FLNC: variants seen among roughly 807,000 people sequenced by gnomAD.
The protein encoded by FLNC is filamin C, also known as filamin-C.
Under a neutral mutation model 254.3 loss-of-function variants are expected in FLNC, and 91 were observed. The ratio of observed to expected loss-of-function variants is 0.36; its 90% CI spans 0.30 to 0.43. The LOEUF (loss-of-function observed/expected upper bound fraction) is 0.43. FLNC is among the 20% of genes least tolerant of loss of function. FLNC has a pLI of 1.00. For synonymous variants in FLNC, 1,430 were observed against 1,577.2 expected, an observed-to-expected ratio of 0.91 and a Z score of 2.21; for missense variants, 2,853 against 3,802.6, an observed-to-expected ratio of 0.75 and a Z score of 6.57.
intron 4 of FLNC, 44 bp from the exon 5 acceptor site, chr7:128,837,593 G>A (rs1218642084): frequency 1.2e-6 from 2 of 1,613,722 alleles, no homozygotes. Context: ...CTGGGCACAT[G>A]TAGGCTCTCC....
chr7:128,856,946 G>C lies in FLNC; in HGVS notation c.7561+25G>C. ...GGTGAGTGCCTGGAGCTGGGGAACA[G>C]GGTGACTTCTGGGGGTGCTTGGCCA... On this transcript the variant is annotated intron_variant, in intron 45 of 47. Coordinates refer to ENST00000325888, the MANE Select transcript of FLNC (RefSeq NM_001458.5). This position sits in a 1 kb window ranked among gnomAD's most constrained non-coding sequence, Gnocchi z 5.9. 1 of 1,612,302 alleles carries C rather than the reference G, an allele frequency of 6.2e-7. No individual in the cohort carries two copies. The highest frequency in any genetic ancestry group is 8.5e-7 in the Non-Finnish European group (1 of 1,178,918).
chr7:128,847,908 G>A (rs775061141), intron 25 of FLNC, 37 bp from the exon 26 acceptor site: 48 of 1,613,660 alleles, frequency 3.0e-5, no homozygotes, highest in Admixed American at 6.7e-5. Context: ...GGGGCGGGAC[G>A]CCCGGAGGCT....
In FLNC at chr7:128,857,360, C is replaced by T. The variant is rs370439080; in HGVS notation, c.7780+24C>T. 1.3e-4 allele frequency: 212 copies of T among 1,574,700 alleles called. No individual in the cohort carries two copies. In the African/African-American group the frequency reaches 2.7e-3, roughly 20 times the overall value. Reference sequence around the variant, plus strand: ...TGGTGAGTGCCAGTTTGGGGGAGGTCCACCCAGCCTGCAGCCCAGCCCAGC... The same window carrying T: ...TGGTGAGTGCCAGTTTGGGGGAGGTTCACCCAGCCTGCAGCCCAGCCCAGC... On this transcript the variant is annotated intron_variant, in intron 46 of 47. Coordinates refer to ENST00000325888, the MANE Select transcript of FLNC (RefSeq NM_001458.5). This position sits in a 1 kb window ranked among gnomAD's most constrained non-coding sequence, Gnocchi z 4.5.
Position 128,850,852 on chromosome 7 carries a change from C to T in FLNC, c.5448C>T (p.Asp1816=), listed in dbSNP as rs775336546. Residue 1816 remains aspartate, a synonymous_variant, in exon 33 of 48, where the codon GAC becomes GAT. Transcript: ENST00000325888. The part of the protein sequence containing the change: ...SGKTARPNIT[D]NKDGTITVRY... ...AGACGGCACGGCCCAACATCACCGA[C>T]AACAAGGACGGCACCATCACGGTGA... is the stretch of plus-strand genomic sequence containing the variant. The T allele has an allele frequency of 6.2e-7, 1 of 1,613,630 alleles. No homozygotes were observed. Among genetic ancestry groups the T allele is most frequent in the Admixed American group, 1.7e-5 (1 of 59,974 alleles).
At chr7:128,845,846 G>C in intron 21 of FLNC, 144 bp from the exon 22 acceptor site, 1 of 745,322 alleles carries the variant, frequency 1.3e-6, no homozygotes, top group Non-Finnish European at 2.3e-6. Context: ...GGGAGTGGGA[G>C]AGGAGGGGGA....
At chr7:128,845,315 G>A (rs1286324231) in intron 21 of FLNC, 60 bp downstream of exon 21, 7 of 1,376,568 alleles carry the variant, frequency 5.1e-6, no homozygotes, top group South Asian at 1.2e-5. Context: ...TGGGTAGTCC[G>A]TGGGAGGGAG....
chr7:128,848,049 G>T lies in FLNC; in HGVS notation c.4561G>T (p.Asp1521Tyr). The change falls in exon 26 of 48, where the codon GAC becomes TAC. Residue 1521 changes from aspartate (D) to tyrosine (Y), a missense_variant. Transcript: ENST00000325888. ...CTACACGGTAGCCGTCAAGTATGCTGACCAGGAGGTGCCACGCAGGTGAGG... is the reference window on the plus strand; with the variant it reads ...CTACACGGTAGCCGTCAAGTATGCTTACCAGGAGGTGCCACGCAGGTGAGG... ...GPYTVAVKYA[D>Y]QEVPRSPFKI... 6.2e-7 allele frequency: 1 copy of T among 1,606,080 alleles called. No individual in the cohort carries two copies. The highest frequency in any genetic ancestry group is 1.7e-5 in the Admixed American group (1 of 59,078).
intron 8 of FLNC, among the ~76,000 whole-genome samples, chr7:128,839,400 C>T (rs1808237126): frequency 6.6e-6 from 1 of 152,182 alleles, no homozygotes; most frequent in Non-Finnish European, 1.5e-5. Context: ...TGGGCAGTGC[C>T]ATCGCCTATG....
chr7:128,849,121 C>A, intron 28 of FLNC, 60 bp from the exon 29 acceptor site: 1 of 1,587,520 alleles, frequency 6.3e-7, no homozygotes, highest in Non-Finnish European at 8.6e-7. Context: ...CCCTCACCCC[C>A]GCCCAATGCC....
At chr7:128,848,211 T>C (rs1486734610) in intron 26 of FLNC, 143 bp downstream of exon 26, 1 of 1,097,310 alleles carries the variant, frequency 9.1e-7, no homozygotes, top group African/African-American at 1.6e-5. Flanking sequence ...CCCATCCCGC[T>C]CTTCCCCGGG....
In FLNC at chr7:128,830,945, CCCTCGAGTT is replaced by C. The variant is rs1807863024; in HGVS notation, c.316_324del (p.Phe106_Glu108del). The stretch of plus-strand genomic sequence containing the variant: ...ATGAAGCTGGAGAACGTGTCCGTGG[CCCTCGAGTT>C]CCTCGAGCGCGAGCACATCAAGCTC... On this transcript the variant is annotated inframe_deletion, in exon 1 of 48. Transcript: ENST00000325888. 6.2e-7 allele frequency: 1 copy of C among 1,611,620 alleles called. No homozygotes were observed. The highest frequency in any genetic ancestry group is 1.7e-5 in the Admixed American group (1 of 60,012).
chr7:128,850,270 C>T, intron 31 of FLNC, 114 bp from the exon 32 acceptor site: 1 of 1,036,540 alleles, frequency 9.6e-7, no homozygotes, highest in Non-Finnish European at 1.5e-6. Context: ...TCCTGCCACG[C>T]TGGTTTCATG....
chr7:128,853,441 G>A, intron 37 of FLNC, 28 bp from the exon 38 acceptor site: 1 of 1,613,182 alleles, frequency 6.2e-7, no homozygotes, highest in Non-Finnish European at 8.5e-7. Context: ...CTAGGACTGA[G>A]GGAGATGTGT....
intron 24 of FLNC, among the ~76,000 whole-genome samples, chr7:128,847,450 A>T (rs534406409): frequency 5.9e-5 from 9 of 152,204 alleles, no homozygotes; most frequent in Non-Finnish European, 8.8e-5. Context: ...CATTTTATTA[A>T]TTTAGGAAGG....
rs765922145 is a variant in FLNC, at chr7:128,845,158, C to A, written c.3693C>A (p.Gly1231=). 1 of 1,613,822 alleles carries A rather than the reference C, an allele frequency of 6.2e-7. No individual in the cohort carries two copies. Residue 1231 remains glycine (G), a synonymous_variant, in exon 21 of 48, where the codon GGC becomes GGA. Transcript: ENST00000325888. ...PGTYTITIKY[G]GHPVPKFPTR... The stretch of plus-strand genomic sequence containing the variant: ...CCTACACCATTACCATCAAGTATGG[C>A]GGGCATCCCGTGCCCAAATTCCCCA...
Position 128,856,625 on chromosome 7 carries a change from G to T in FLNC, c.7359G>T (p.Glu2453Asp). ...ACACACCCTCGGGGGCTGTGGAGGA[G>T]TGCTACGTCTCTGAGCTGGACAGTG... ...RVHTPSGAVE[E>D]CYVSELDSDK... Residue 2453 changes from glutamate to aspartate, a missense_variant, in exon 44 of 48, where the codon GAG (glutamate) becomes GAT (aspartate). Around this residue, in one of 10 missense-constraint regions of FLNC, gnomAD observed 47 missense variants for 40.3 expected, o/e 1.17. Coordinates refer to ENST00000325888, the MANE Select transcript of FLNC (RefSeq NM_001458.5). This position sits in a 1 kb window ranked among gnomAD's most constrained non-coding sequence, Gnocchi z 5.9. 1 of 1,612,922 alleles carries T rather than the reference G, an allele frequency of 6.2e-7. No individual in the cohort carries two copies. Among genetic ancestry groups the T allele is most frequent in the Non-Finnish European group, 8.5e-7 (1 of 1,180,018 alleles).
Position 128,854,593 on chromosome 7 carries a change from A to G in FLNC, c.6908A>G (p.Gln2303Arg). ...CAGCACGTGCCCGGCAGCCCCTTTCAGTTCACTGTGGGGCCGCTGGGTGAA... is the reference window on the plus strand; with the variant it reads ...CAGCACGTGCCCGGCAGCCCCTTTCGGTTCACTGTGGGGCCGCTGGGTGAA... Reference protein sequence around the residue: ...RGQHVPGSPFQFTVGPLGEGG... With the variant: ...RGQHVPGSPFRFTVGPLGEGG... The change falls in exon 41 of 48, where the codon CAG becomes CGG. Residue 2303 changes from glutamine to arginine, a missense_variant. Around this residue, in one of 10 missense-constraint regions of FLNC, gnomAD observed 551 missense variants for 835.0 expected, o/e 0.66. Coordinates refer to ENST00000325888, the MANE Select transcript of FLNC (RefSeq NM_001458.5). The G allele has an allele frequency of 6.2e-7, 1 of 1,610,812 alleles. No homozygotes were observed. Among genetic ancestry groups the G allele is most frequent in the Non-Finnish European group, 8.5e-7 (1 of 1,178,944 alleles).
chr7:128,838,004 C>T lies in FLNC; in HGVS notation c.987C>T (p.Asn329=). 1 of 1,614,008 alleles carries T rather than the reference C, an allele frequency of 6.2e-7. No homozygotes were observed. Among genetic ancestry groups the T allele is most frequent in the Non-Finnish European group, 8.5e-7 (1 of 1,179,910 alleles). The change falls in exon 6 of 48, where the codon AAC becomes AAT. Residue 329 remains asparagine, a synonymous_variant. Coordinates refer to ENST00000325888, the MANE Select transcript of FLNC (RefSeq NM_001458.5). The part of the protein sequence containing the change: ...GHTEEAKVVP[N]NDKDRTYAVS... ...CCTAATAGGCTAAGGTGGTTCCCAA[C>T]AATGACAAGGATCGCACCTATGCTG...
intron 21 of FLNC, 78 bp from the exon 22 acceptor site, chr7:128,845,901 GAGGAGAGGGAA>G: frequency 8.8e-7 from 1 of 1,131,436 alleles, no homozygotes; most frequent in East Asian, 2.5e-5. Context: ...AGGAGAGGGA[GAGGAGAGGGAA>G]AGGAGGGGGA....
Sources: allele counts gnomAD v4.1 joint callset (sites outside exome capture counted in the v4.1 genomes callset), GRCh38; gene constraint gnomAD v4.1.1; regional missense constraint gnomAD v4.1.1; non-coding constraint Gnocchi (gnomAD v3.1); transcripts MANE v1.5; gene names NCBI Gene and HGNC (gene_info 2026-07-23, HGNC 2026-07-21).